The following ZNF782 variants were observed in gnomAD, a reference collection of about 807,000 sequenced individuals.
The protein encoded by ZNF782 is zinc finger protein 782.
In ZNF782, 12 loss-of-function variants were observed where a neutral mutation model predicts 13.0. The ratio of observed to expected loss-of-function variants is 0.92; its 90% CI spans 0.59 to 1.50. The LOEUF is 1.50. Ranked by LOEUF, ZNF782 falls within the 40% of genes most tolerant of loss-of-function variation. The pLI, the probability that ZNF782 is intolerant of heterozygous loss-of-function variation, is 0.00. For synonymous variants in ZNF782, 284 were observed against 283.0 expected, an observed-to-expected ratio of 1.00 and a Z score of -0.04; for missense variants, 770 against 822.9, an observed-to-expected ratio of 0.94 and a Z score of 0.79.
upstream of ZNF782, among the ~76,000 whole-genome samples, chr9:96,878,400 T>A (rs1564018815): frequency 6.6e-6 from 1 of 152,216 alleles, no homozygotes; most frequent in African/African-American, 2.4e-5. Context: ...CTTTAAAAAA[T>A]TTAGACACTG....
intron 4 of ZNF782, among the ~76,000 whole-genome samples, chr9:96,843,025 T>C (rs894283380): frequency 1.3e-5 from 2 of 152,074 alleles, no homozygotes; most frequent in Non-Finnish European, 2.9e-5. Flanking sequence ...CAACGACTAA[T>C]ACATAAAATA....
intron 1 of ZNF782, among the ~76,000 whole-genome samples, chr9:96,872,615 G>A (rs1269495474): frequency 6.6e-6 from 1 of 152,038 alleles, no homozygotes; most frequent in Non-Finnish European, 1.5e-5. Context: ...AATGATTCAA[G>A]TCAGTCTTGA....
At chr9:96,933,325 A>T in the ZNF782 span, among the ~76,000 whole-genome samples, 1 of 151,726 alleles carries the variant, frequency 6.6e-6, no homozygotes, top group African/African-American at 2.4e-5. Flanking sequence ...GACCCAGGTC[A>T]GAGAGGGTTC....
At chr9:96,841,118 C>T (rs1851176571) in intron 4 of ZNF782, among the ~76,000 whole-genome samples, 1 of 151,908 alleles carries the variant, frequency 6.6e-6, no homozygotes, top group African/African-American at 2.4e-5. Flanking sequence ...ATGGAATGGT[C>T]TGAACATCTT....
chr9:96,823,469 G>C (rs1488311411), intron 5 of ZNF782, among the ~76,000 whole-genome samples: 1 of 152,074 alleles, frequency 6.6e-6, no homozygotes, highest in African/African-American at 2.4e-5. Flanking sequence ...ATATTTTAAA[G>C]TTCTCTACTT....
At chr9:96,857,055 T>C (rs1851652089), upstream of ZNF782, among the ~76,000 whole-genome samples, 1 of 152,164 alleles carries the variant, frequency 6.6e-6, no homozygotes, top group Non-Finnish European at 1.5e-5. Context: ...AAGGGTAAGT[T>C]TTTGTGAAAA....
At chr9:96,914,449 C>G in the ZNF782 span, among the ~76,000 whole-genome samples, 1 of 151,936 alleles carries the variant, frequency 6.6e-6, no homozygotes, top group African/African-American at 2.4e-5. Flanking sequence ...GAAATCCGCA[C>G]ATAATTTATG....
the ZNF782 span, chr9:96,919,393 T>C: frequency 1.0e-5 from 1 of 95,280 alleles, no homozygotes; most frequent in East Asian, 3.3e-4. Context: ...CTAAAACAAA[T>C]ACACCAAGGG....
intron 3 of ZNF782, among the ~76,000 whole-genome samples, chr9:96,849,326 A>G (rs907801840): frequency 6.6e-6 from 1 of 152,228 alleles, no homozygotes; most frequent in African/African-American, 2.4e-5. Flanking sequence ...GACAGGAGGT[A>G]GAGCTCAGGT....
the ZNF782 span, among the ~76,000 whole-genome samples, chr9:96,882,405 T>A: frequency 6.6e-6 from 1 of 152,218 alleles, no homozygotes; most frequent in Admixed American, 6.5e-5. Flanking sequence ...AAATTCCTTT[T>A]AAGTTTGAGC....
intron 3 of ZNF782, 106 bp downstream of exon 3, chr9:96,851,841 C>T: frequency 8.5e-7 from 1 of 1,182,752 alleles, no homozygotes; most frequent in South Asian, 1.3e-5. Context: ...TATATTTTCC[C>T]TCAAGATTTA....
upstream of ZNF782, among the ~76,000 whole-genome samples, chr9:96,877,518 T>C (rs1330538344): frequency 6.6e-6 from 1 of 152,224 alleles, no homozygotes. Context: ...CCGCGCCGCT[T>C]CCTCCGCGCG....
upstream of ZNF782, among the ~76,000 whole-genome samples, chr9:96,879,541 G>C (rs967555355): frequency 1.3e-5 from 2 of 152,108 alleles, no homozygotes; most frequent in African/African-American, 2.4e-5. Flanking sequence ...ACACTTAAAG[G>C]CATCTAATAA....
rs564704333 is a variant in ZNF782 at position 96,816,929 on chromosome 9, C to T, written c.*994G>A. On this transcript the variant is annotated 3_prime_UTR_variant, in exon 6 of 6. Transcript: ENST00000481138. ...TCAGATGTCCTGAAAAATCATACTCCTAAGTTTTATTATGTGAGGGTTGTT... is the reference window on the plus strand; with the variant it reads ...TCAGATGTCCTGAAAAATCATACTCTTAAGTTTTATTATGTGAGGGTTGTT... 8 of 152,286 alleles carry T rather than the reference C, an allele frequency of 5.3e-5. No individual in the cohort carries two copies. In the South Asian group the frequency reaches 1.5e-3, roughly 28 times the overall value. The allele number at this position is 152,286 out of a possible 1,614,324, so 9.4% of individuals were successfully genotyped here.
At chr9:96,856,130 C>T (rs1307896018), upstream of ZNF782, among the ~76,000 whole-genome samples, 2 of 151,802 alleles carry the variant, frequency 1.3e-5, no homozygotes, top group Non-Finnish European at 2.9e-5. Flanking sequence ...TGTTTGAGTT[C>T]GTAGTAGATT....
chr9:96,877,524 G>A (rs1330794077), upstream of ZNF782, among the ~76,000 whole-genome samples: 2 of 152,246 alleles, frequency 1.3e-5, no homozygotes, highest in Non-Finnish European at 2.9e-5. Flanking sequence ...CGCTTCCTCC[G>A]CGCGTCTCCC....
chr9:96,931,728 C>T, the ZNF782 span: 1 of 1,611,550 alleles, frequency 6.2e-7, no homozygotes, highest in South Asian at 1.1e-5. Flanking sequence ...ACAGCATACC[C>T]AGTGCTGGGA....
upstream of ZNF782, among the ~76,000 whole-genome samples, chr9:96,876,980 GAAGAA>G (rs1851901365): frequency 1.1e-5 from 1 of 92,148 alleles, no homozygotes; most frequent in African/African-American, 4.1e-5. Context: ...AAAAGAAGAA[GAAGAA>G]AAGAAAAAAG....
the ZNF782 span, chr9:96,893,092 T>C: frequency 5.9e-5 from 9 of 152,214 alleles, no homozygotes; most frequent in East Asian, 1.9e-4. Context: ...AATGACATGG[T>C]TGACCAAGAA....
Sources: allele counts gnomAD v4.1 joint callset (sites outside exome capture counted in the v4.1 genomes callset), GRCh38; gene constraint gnomAD v4.1.1; transcripts MANE v1.5; gene names NCBI Gene and HGNC (gene_info 2026-07-23, HGNC 2026-07-21).